Variants in ARHGAP40 observed in about 807,000 individuals in gnomAD.
ARHGAP40 encodes rho GTPase-activating protein 40.
In ARHGAP40, 43 loss-of-function variants were observed where a neutral mutation model predicts 73.5. That is an observed-to-expected ratio of 0.58 (90% confidence interval 0.46 to 0.75). The LOEUF (loss-of-function observed/expected upper bound fraction) is 0.75. Among genes scored for constraint, ARHGAP40 ranks in the 30% least tolerant of loss-of-function variants. ARHGAP40 has a pLI of 0.00. For missense variants in ARHGAP40, 734 were observed against 861.8 expected (o/e 0.85, Z 1.86); for synonymous variants, 300 against 352.8 (o/e 0.85, Z 1.68).
intron 1 of ARHGAP40, among the ~76,000 whole-genome samples, chr20:38,604,640 C>T (rs938314094): frequency 1.1e-4 from 16 of 152,088 alleles, no homozygotes; most frequent in African/African-American, 3.6e-4. Flanking sequence ...ATGATCCACC[C>T]GCCTTAGCCT....
intron 1 of ARHGAP40, among the ~76,000 whole-genome samples, chr20:38,619,058 G>A (rs1234721668): frequency 6.6e-6 from 1 of 152,218 alleles, no homozygotes; most frequent in Non-Finnish European, 1.5e-5. Flanking sequence ...AATGTGTTAT[G>A]GAGAAGCAGA....
chr20:38,618,039 A>G (rs1017841030), intron 1 of ARHGAP40, among the ~76,000 whole-genome samples: 2 of 152,328 alleles, frequency 1.3e-5, no homozygotes, highest in Non-Finnish European at 1.5e-5. Flanking sequence ...GACGTTGCTA[A>G]TAAACAACAA....
chr20:38,646,856 C>A lies in ARHGAP40; in HGVS notation c.1711-101C>A. ...TGTATCTTGTGATTTTCAGCGTGGGCATTTGCGTAAGTGCCATGTATGCGT... is the reference window on the plus strand; with the variant it reads ...TGTATCTTGTGATTTTCAGCGTGGGAATTTGCGTAAGTGCCATGTATGCGT... On this transcript the variant is annotated intron_variant, in intron 12 of 14. Coordinates refer to ENST00000373345, the Ensembl canonical transcript of ARHGAP40. This position sits in a 1 kb window ranked among gnomAD's most constrained non-coding sequence, Gnocchi z 4.5. The A allele has an allele frequency of 9.2e-7, 1 of 1,086,692 alleles. No homozygotes were observed. The highest frequency in any genetic ancestry group is 1.2e-6 in the Non-Finnish European group (1 of 821,416). The allele number at this position is 1,086,692 out of a possible 1,614,324, so 67.3% of individuals were successfully genotyped here. A position where few individuals can be genotyped will look rare whatever the true frequency, so the allele number is the denominator to read the frequency against.
At chr20:38,627,164 C>T (rs1210940730) in exon 3 of ARHGAP40, 3 of 1,305,358 alleles carry the variant, frequency 2.3e-6, no homozygotes, top group African/African-American at 3.0e-5. Context: ...GAAGACAACA[C>T]AAGACACCTG....
intron 5 of ARHGAP40, among the ~76,000 whole-genome samples, chr20:38,631,578 T>A (rs1358716157): frequency 1.3e-5 from 2 of 152,112 alleles, no homozygotes; most frequent in Non-Finnish European, 2.9e-5. Context: ...GTGATTCAAT[T>A]ACCTCCCACA....
chr20:38,602,942 T>C (rs1400091560), intron 1 of ARHGAP40, among the ~76,000 whole-genome samples: 1 of 152,238 alleles, frequency 6.6e-6, no homozygotes, highest in Non-Finnish European at 1.5e-5. Flanking sequence ...GTTCCAATTT[T>C]TAACGATTCT....
At chr20:38,620,463 A>G (rs946563603) in intron 1 of ARHGAP40, among the ~76,000 whole-genome samples, 5 of 152,186 alleles carry the variant, frequency 3.3e-5, no homozygotes, top group African/African-American at 1.2e-4. Flanking sequence ...CTGCTTAGCT[A>G]TCAAATGGTG....
In ARHGAP40 at chr20:38,624,511, C is replaced by T. The variant is rs529942780; in HGVS notation, c.337+953C>T. Among the ~76,000 whole-genome samples the T allele has an allele frequency of 2.6e-5, 4 of 152,272 alleles. No individual in the cohort carries two copies. The South Asian group carries it at 8.3e-4, about 32-fold the overall frequency. On this transcript the variant is annotated intron_variant, in intron 2 of 14. Coordinates refer to ENST00000373345, the Ensembl canonical transcript of ARHGAP40. ...AATAAAGCCACCAGATCATAACTTA[C>T]CAGGCTTTACATAATTGGCTTCGTG...
rs373728519 is a variant in ARHGAP40 at position 38,641,809 on chromosome 20, G to A, written c.1362+1G>A. The A allele has an allele frequency of 1.2e-4, 156 of 1,288,448 alleles. No homozygotes were observed. Among genetic ancestry groups the A allele is most frequent in the Non-Finnish European group, 1.5e-4 (152 of 982,808 alleles). The allele number at this position is 1,288,448 out of a possible 1,614,324, so 79.8% of individuals were successfully genotyped here. On this transcript the variant is annotated splice_donor_variant, in intron 10 of 14. Coordinates refer to ENST00000373345, the Ensembl canonical transcript of ARHGAP40. LOFTEE classifies it high-confidence loss of function. The stretch of plus-strand genomic sequence containing the variant: ...AGAACCCAACAGAAATGCCTTAAAG[G>A]TAAGAGTTACCATGCACCACCACCA...
intron 1 of ARHGAP40, among the ~76,000 whole-genome samples, chr20:38,602,284 C>G (rs1441820853): frequency 6.6e-6 from 1 of 152,210 alleles, no homozygotes; most frequent in Non-Finnish European, 1.5e-5. Context: ...AAACCCAGAG[C>G]CTTCCTGGGA....
intron 5 of ARHGAP40, 41 bp from the exon 6 acceptor site, chr20:38,634,579 A>T (rs1302579087): frequency 7.7e-7 from 1 of 1,299,854 alleles, no homozygotes; most frequent in Non-Finnish European, 1.0e-6. Context: ...CATCAGACTC[A>T]TAGCCTGACA....
chr20:38,630,448 T>C (rs556846376), intron 5 of ARHGAP40, among the ~76,000 whole-genome samples: 82 of 152,162 alleles, frequency 5.4e-4, no homozygotes, highest in Non-Finnish European at 1.0e-3. Context: ...CTCAAACTCC[T>C]GGGCTCAAGC....
chr20:38,630,399 T>C (rs576075095), intron 5 of ARHGAP40, among the ~76,000 whole-genome samples: 1 of 152,122 alleles, frequency 6.6e-6, no homozygotes, highest in Non-Finnish European at 1.5e-5. Context: ...TTTAAAATTT[T>C]TTTTAGAGTT....
rs139698700 is a variant in ARHGAP40, at chr20:38,634,947, T to C, written c.949+162T>C. On this transcript the variant is annotated intron_variant, in intron 6 of 14. Coordinates refer to ENST00000373345, the Ensembl canonical transcript of ARHGAP40. ...ACCAGGCTGGAGTGCAGTGATGTGA[T>C]CTCGGCTCACTGCAACCTCCGCCTC... Among the ~76,000 whole-genome samples the C allele has an allele frequency of 9.6e-3, 1,460 of 151,608 alleles. 22 individuals are homozygous for C. Among genetic ancestry groups the C allele is most frequent in the African/African-American group, 0.033 (1,355 of 41,332 alleles).
intron 5 of ARHGAP40, among the ~76,000 whole-genome samples, chr20:38,630,068 CTTTCTTTCTTTCTT>C (rs1344801207): frequency 0.017 from 1,410 of 81,564 alleles, 20 homozygotes; most frequent in African/African-American, 0.043. Flanking sequence ...TTTTTTCTTT[CTTTCTTTCTTTCTT>C]TTTCTTTCTT....
intron 5 of ARHGAP40, among the ~76,000 whole-genome samples, chr20:38,632,710 G>A (rs897542804): frequency 3.3e-5 from 5 of 151,504 alleles, no homozygotes; most frequent in South Asian, 2.1e-4. Flanking sequence ...GCATGGTGGC[G>A]CACACCTGTA....
chr20:38,639,131 C>T, intron 8 of ARHGAP40, 96 bp from the exon 9 acceptor site: 4 of 1,218,962 alleles, frequency 3.3e-6, no homozygotes, highest in Non-Finnish European at 4.3e-6. Context: ...GTTGTCCCCA[C>T]TTTGCAGATG....
intron 8 of ARHGAP40, 88 bp downstream of exon 8, chr20:38,638,926 C>G: frequency 1.7e-6 from 2 of 1,157,628 alleles, no homozygotes; most frequent in Non-Finnish European, 2.3e-6. Flanking sequence ...CAGTCCCTGA[C>G]TCGCCAGTGA....
exon 1 of ARHGAP40, chr20:38,602,018 C>T (rs1304243436): frequency 1.6e-6 from 2 of 1,287,546 alleles, no homozygotes; most frequent in Non-Finnish European, 2.0e-6. Flanking sequence ...ACCGTGTCCT[C>T]GGATCCCGCG....
Sources: allele counts gnomAD v4.1 joint callset (sites outside exome capture counted in the v4.1 genomes callset), GRCh38; gene constraint gnomAD v4.1.1; non-coding constraint Gnocchi (gnomAD v3.1); transcripts MANE v1.5; gene names NCBI Gene and HGNC (gene_info 2026-07-23, HGNC 2026-07-21).